The following CYLD variants were observed in gnomAD, a reference collection of about 807,000 sequenced individuals.
The protein encoded by CYLD is CYLD lysine 63 deubiquitinase, also known as ubiquitin carboxyl-terminal hydrolase CYLD.
A neutral mutation model predicts 104.5 loss-of-function variants in CYLD; 26 were observed. That is an observed-to-expected ratio of 0.25 (90% CI 0.18 to 0.35). CYLD has a LOEUF of 0.35. Among genes scored for constraint, CYLD ranks in the 10% least tolerant of loss-of-function variants. The probability of loss-of-function intolerance (pLI) is 1.00; values close to 1 mark genes in which losing one functional copy is unlikely to be tolerated. For missense variants in CYLD, 703 were observed against 1,136.1 expected (o/e 0.62, Z 5.48); for synonymous variants, 385 against 399.9 (o/e 0.96, Z 0.45).
chr16:50,776,424 A>G (rs926632806), intron 7 of CYLD, 147 bp downstream of exon 7: 19 of 692,754 alleles, frequency 2.7e-5, no homozygotes, highest in African/African-American at 3.6e-5. Context: ...TAAAGTTTGT[A>G]TATAAATACT....
At position 50,793,587 on chromosome 16, in the gene CYLD, G is replaced by A; in HGVS notation, c.2392G>A (p.Glu798Lys). ...CRICGGLAMY[E>K]CRECYDDPDI... is the part of the protein sequence containing the mutation. ...GATATGTGGAGGGCTTGCAATGTAT[G>A]AGTGTAGAGAATGCTACGACGATCC... is the stretch of plus-strand genomic sequence containing the variant. The change falls in exon 17 of 19, where the codon GAG (glutamate) becomes AAG (lysine). Residue 798 changes from glutamate to lysine, a missense_variant. This residue lies in a region of CYLD where 130 missense variants were observed against 220.2 expected (regional missense o/e 0.59). Transcript: ENST00000427738. 1 of 1,614,098 alleles carries A rather than the reference G, an allele frequency of 6.2e-7. No individual in the cohort carries two copies. The highest frequency in any genetic ancestry group is 8.5e-7 in the Non-Finnish European group (1 of 1,179,980).
At chr16:50,744,571 C>G (rs995465180) in intron 2 of CYLD, among the ~76,000 whole-genome samples, 1 of 152,094 alleles carries the variant, frequency 6.6e-6, no homozygotes, top group African/African-American at 2.4e-5. Context: ...TTTGGAGATG[C>G]AAAAAGCTCT....
At chr16:50,776,767 A>G (rs1969729221) in intron 7 of CYLD, among the ~76,000 whole-genome samples, 3 of 152,234 alleles carry the variant, frequency 2.0e-5, no homozygotes, top group Non-Finnish European at 2.9e-5. Flanking sequence ...TAGCTTCCAC[A>G]TACTTCATAG....
chr16:50,745,375 T>G (rs962918332), intron 2 of CYLD, among the ~76,000 whole-genome samples: 1 of 142,190 alleles, frequency 7.0e-6, no homozygotes, highest in East Asian at 2.0e-4. Context: ...TTTTTTTTTT[T>G]TTTTTTTTTT....
intron 5 of CYLD, 155 bp downstream of exon 5, chr16:50,754,579 C>T (rs942478345): frequency 1.9e-5 from 12 of 624,664 alleles, no homozygotes; most frequent in Middle Eastern, 4.2e-4. Context: ...ACCCGTCACC[C>T]GAGAAGTATA....
intron 11 of CYLD, 146 bp from the exon 12 acceptor site, chr16:50,784,183 C>T (rs2151006056): frequency 2.5e-6 from 2 of 793,726 alleles, no homozygotes; most frequent in South Asian, 3.1e-5. Context: ...CACAGGGGTC[C>T]TGGTACCTGT....
At chr16:50,795,404 G>T in intron 18 of CYLD, 2 of 597,656 alleles carry the variant, frequency 3.3e-6, no homozygotes, top group East Asian at 2.9e-5. Context: ...TGCCAGGCAG[G>T]ATAGTGGGTT....
At chr16:50,775,317 G>C (rs1333485518) in intron 6 of CYLD, 143 bp downstream of exon 6, 8 of 575,526 alleles carry the variant, frequency 1.4e-5, no homozygotes, top group South Asian at 2.8e-5. Flanking sequence ...TTAAGGTCTA[G>C]AGTGGTCTTT....
chr16:50,749,502 C>T, intron 2 of CYLD, 74 bp from the exon 3 acceptor site: 3 of 596,740 alleles, frequency 5.0e-6, no homozygotes, highest in Non-Finnish European at 8.8e-6. Context: ...TCTTAATTTT[C>T]AGTCATGTAG....
Position 50,800,559 on chromosome 16 carries a change from ACCTGGATATTTTCTT to A in CYLD, c.*4054_*4068del, listed in dbSNP as rs1751199844. The A allele has an allele frequency of 4.3e-6, 1 of 232,848 alleles. No individual in the cohort carries two copies. The highest frequency in any genetic ancestry group is 5.6e-5 in the Admixed American group (1 of 17,762). 14.4% of individuals were successfully genotyped at this position (232,848 alleles called of 1,614,324 possible). A position where few individuals can be genotyped will look rare whatever the true frequency, so the allele number is the denominator to read the frequency against. On this transcript the variant is annotated 3_prime_UTR_variant, in exon 19 of 19. Coordinates refer to ENST00000427738, the MANE Select transcript of CYLD (RefSeq NM_001378743.1). ...CTTAAGAGGATATTTGATGTTATTT[ACCTGGATATTTTCTT>A]CCCCTTTTATTTATTTAGAGGAAAT...
rs182491529 is a variant in CYLD at position 50,793,794 on chromosome 16, T to C, written c.2469+130T>C. On this transcript the variant is annotated intron_variant, in intron 17 of 18. Coordinates refer to ENST00000427738, the MANE Select transcript of CYLD (RefSeq NM_001378743.1). ...CGGTTAAAAATTCACAATAAAATGG[T>C]ATTGCTTTTGCCTTTTCTGTTTACT... 3.8e-5 allele frequency: 28 copies of C among 733,328 alleles called. No individual in the cohort carries two copies. In the Admixed American group the frequency reaches 3.9e-4, roughly 10 times the overall value. 45.4% of individuals were successfully genotyped at this position (733,328 alleles called of 1,614,324 possible).
At position 50,784,496 on chromosome 16, in the gene CYLD, ATTTGCTG is replaced by A. The variant is rs778227127; in HGVS notation, c.1949+49_1949+55del. ...CTATTTTGCCTTTACATGGTGTTCT[ATTTGCTG>A]TTTTCTGGTATAGTAATTAATTTAT... is the stretch of plus-strand genomic sequence containing the variant. On this transcript the variant is annotated intron_variant, in intron 12 of 18. Coordinates refer to ENST00000427738, the MANE Select transcript of CYLD (RefSeq NM_001378743.1). 2.5e-6 allele frequency: 4 copies of A among 1,598,948 alleles called. No individual in the cohort carries two copies. In the South Asian group the frequency reaches 4.4e-5, roughly 18 times the overall value.
rs768406996 is a variant in CYLD at position 50,797,701 on chromosome 16, T to G, written c.*1193T>G. On this transcript the variant is annotated 3_prime_UTR_variant, in exon 19 of 19. Coordinates refer to ENST00000427738, the MANE Select transcript of CYLD (RefSeq NM_001378743.1). Reference sequence around the variant, plus strand: ...TGTTTTGTGGTATCATTGTCTTTCCTGAATGACTTTCTAACTGTGCAGAAA... The same window carrying G: ...TGTTTTGTGGTATCATTGTCTTTCCGGAATGACTTTCTAACTGTGCAGAAA... 19 of 232,774 alleles carry G rather than the reference T, an allele frequency of 8.2e-5. No individual in the cohort carries two copies. Among genetic ancestry groups the G allele is most frequent in the Admixed American group, 5.6e-4 (10 of 17,772 alleles). The allele number at this position is 232,774 out of a possible 1,614,324, so 14.4% of individuals were successfully genotyped here.
chr16:50,764,253 A>G (rs1219312794), intron 5 of CYLD, among the ~76,000 whole-genome samples: 2 of 152,170 alleles, frequency 1.3e-5, no homozygotes, highest in African/African-American at 4.8e-5. Context: ...GTTATTTGAA[A>G]GAGTTTATGT....
chr16:50,786,832 T>C (rs757540178), intron 12 of CYLD, 23 bp from the exon 13 acceptor site: 2 of 1,470,120 alleles, frequency 1.4e-6, no homozygotes, highest in Non-Finnish European at 1.9e-6. Flanking sequence ...CCAATATCAA[T>C]TAATAGTTTT....
At chr16:50,751,555 TG>T (rs1218904187) in intron 3 of CYLD, 48 bp from the exon 4 acceptor site, 3 of 1,572,638 alleles carry the variant, frequency 1.9e-6, no homozygotes, top group Non-Finnish European at 8.7e-7. Context: ...CCTTTTCCTA[TG>T]GATCGTCTTT....
Position 50,777,956 on chromosome 16 carries a change from T to C in CYLD, c.1138+15T>C. ...CATTGATGAAGGTAATCAGTAATTTTAGTGTTCTTTATAATGATCCTTTCT... is the reference window on the plus strand; with the variant it reads ...CATTGATGAAGGTAATCAGTAATTTCAGTGTTCTTTATAATGATCCTTTCT... On this transcript the variant is annotated intron_variant, in intron 8 of 18. Coordinates refer to ENST00000427738, the MANE Select transcript of CYLD (RefSeq NM_001378743.1). 7.6e-7 allele frequency: 1 copy of C among 1,319,662 alleles called. No individual in the cohort carries two copies. Among genetic ancestry groups the C allele is most frequent in the Non-Finnish European group, 1.1e-6 (1 of 912,156 alleles). The allele number at this position is 1,319,662 out of a possible 1,614,324, so 81.7% of individuals were successfully genotyped here. A position where few individuals can be genotyped will look rare whatever the true frequency, so the allele number is the denominator to read the frequency against.
At chr16:50,742,415 G>C in intron 1 of CYLD, 3 of 170,948 alleles carry the variant, frequency 1.8e-5, no homozygotes, top group East Asian at 1.5e-4. Context: ...CCCCCCCACC[G>C]GGGCTTCCCC....
chr16:50,785,542 C>T (rs1294286155), intron 12 of CYLD: 1 of 151,978 alleles, frequency 6.6e-6, no homozygotes, highest in Non-Finnish European at 1.5e-5. Flanking sequence ...GATTTTTTTC[C>T]CCCAAGTAAT....
Sources: gnomAD v4.1 joint callset for allele counts (sites outside exome capture counted in the v4.1 genomes callset) on GRCh38, gnomAD v4.1.1 for gene constraint, gnomAD v4.1.1 regional missense constraint, MANE v1.5 for transcripts, NCBI Gene and HGNC (gene_info 2026-07-23, HGNC 2026-07-21) for gene names.